SAP130: variants seen among roughly 807,000 people sequenced by gnomAD.
SAP130 encodes Sin3A associated protein 130.
In SAP130, 16 loss-of-function variants were observed where a neutral mutation model predicts 103.2. That is an observed-to-expected ratio of 0.16 (90% CI 0.10 to 0.24). The LOEUF (loss-of-function observed/expected upper bound fraction) is 0.24, where lower values mean the gene tolerates loss of function less well. SAP130 is among the 10% of genes least tolerant of loss of function. The pLI is 1.00. For missense variants in SAP130, 990 were observed against 1,359.7 expected (o/e 0.73, Z 4.28); for synonymous variants, 477 against 497.0 (o/e 0.96, Z 0.53).
At chr2:127,979,503 TA>T (rs1435818782) in intron 14 of SAP130, among the ~76,000 whole-genome samples, 17 of 25,114 alleles carry the variant, frequency 6.8e-4, no homozygotes, top group African/African-American at 1.4e-3. Flanking sequence ...AAAAAAAAGA[TA>T]GAGGAAACCT....
intron 12 of SAP130, among the ~76,000 whole-genome samples, chr2:127,992,848 T>G (rs1356489107): frequency 1.3e-5 from 2 of 152,222 alleles, no homozygotes; most frequent in African/African-American, 4.8e-5. Flanking sequence ...CCTTTATAAA[T>G]TTTTTAAAAA....
chr2:128,003,045 TGA>T (rs1323311243), intron 7 of SAP130, among the ~76,000 whole-genome samples: 3 of 151,578 alleles, frequency 2.0e-5, no homozygotes, highest in African/African-American at 7.3e-5. Context: ...GAGGATCGCT[TGA>T]GAGCCCAGGA....
intron 15 of SAP130, among the ~76,000 whole-genome samples, chr2:127,957,729 T>A (rs1402979346): frequency 6.6e-6 from 1 of 151,954 alleles, no homozygotes; most frequent in Admixed American, 6.6e-5. Context: ...ATATGTTTGA[T>A]TACTATTATT....
intron 11 of SAP130, among the ~76,000 whole-genome samples, chr2:127,995,955 T>C (rs144952126): frequency 6.6e-5 from 10 of 152,264 alleles, no homozygotes; most frequent in African/African-American, 2.4e-4. Flanking sequence ...TCTTTAAAAA[T>C]ATCCATGAGT....
At chr2:128,009,145 A>G (rs1014911381) in intron 7 of SAP130, among the ~76,000 whole-genome samples, 2 of 152,058 alleles carry the variant, frequency 1.3e-5, no homozygotes. Flanking sequence ...TGCCCCAGTG[A>G]TTCCTCAGAA....
rs1679809557 is a variant in SAP130 at position 127,955,953 on chromosome 2, AC to A, written c.2064-610del. Among the ~76,000 whole-genome samples, 1 of 152,226 alleles carries A rather than the reference AC, an allele frequency of 6.6e-6. No individual in the cohort carries two copies. Among genetic ancestry groups the A allele is most frequent in the Non-Finnish European group, 1.5e-5 (1 of 68,036 alleles). On this transcript the variant is annotated intron_variant, in intron 15 of 20. Transcript: ENST00000643581. This position sits in a 1 kb window ranked among gnomAD's most constrained non-coding sequence, Gnocchi z 4.9. ...CTCAAAGTCATATCGTCATAGCACA[AC>A]CAATTTTCATAATATTAATGTATCT...
At chr2:127,971,628 T>G (rs1681101694) in intron 15 of SAP130, among the ~76,000 whole-genome samples, 1 of 152,194 alleles carries the variant, frequency 6.6e-6, no homozygotes. Context: ...AATACTCTCT[T>G]GTGCAGTTTT....
In SAP130 at chr2:127,994,945, G is replaced by C. The variant is rs547934527; in HGVS notation, c.1355+1405C>G. 1.9e-4 allele frequency among the ~76,000 whole-genome samples: 29 copies of C among 152,262 alleles called. No individual in the cohort carries two copies. The South Asian group carries it at 4.1e-3, about 22-fold the overall frequency. On this transcript the variant is annotated intron_variant, in intron 11 of 20. Coordinates refer to ENST00000643581, the MANE Select transcript of SAP130 (RefSeq NM_001330301.2). ...GAGCTAACAGGAGTATTCAACAAGG[G>C]GGATGGACATATCAATGTATCAAAA...
intron 14 of SAP130, among the ~76,000 whole-genome samples, chr2:127,980,396 T>A (rs1274335287): frequency 6.6e-6 from 1 of 151,976 alleles, no homozygotes; most frequent in Non-Finnish European, 1.5e-5. Context: ...CAAGTGTTGG[T>A]GAGGATGAAA....
Position 127,989,044 on chromosome 2 carries a change from A to AAG in SAP130, c.1780+518_1780+519dup, listed in dbSNP as rs1275203571. Among the ~76,000 whole-genome samples the AAG allele has an allele frequency of 6.6e-6, 1 of 152,168 alleles. No homozygotes were observed. The highest frequency in any genetic ancestry group is 1.5e-5 in the Non-Finnish European group (1 of 68,028). ...TTCCCACAACTAGGAGCTTTTAAAA[A>AAG]AGATAACACTTCTCATTATGTTCAA... On this transcript the variant is annotated intron_variant, in intron 13 of 20. Coordinates refer to ENST00000643581, the MANE Select transcript of SAP130 (RefSeq NM_001330301.2). This position sits in a 1 kb window ranked among gnomAD's most constrained non-coding sequence, Gnocchi z 4.6.
intron 4 of SAP130, 41 bp downstream of exon 4, chr2:128,016,348 C>T (rs774559141): frequency 1.3e-6 from 2 of 1,589,228 alleles, no homozygotes; most frequent in South Asian, 1.1e-5. Context: ...AACAGTTTGG[C>T]ATTTCAGTTT....
intron 16 of SAP130, among the ~76,000 whole-genome samples, chr2:127,954,595 T>C (rs190889628): frequency 9.6e-4 from 146 of 152,334 alleles, no homozygotes; most frequent in African/African-American, 3.2e-3. Flanking sequence ...TCTTACTTGA[T>C]TGTATAACAA....
At chr2:127,960,959 T>C (rs1271008111) in intron 15 of SAP130, among the ~76,000 whole-genome samples, 1 of 151,962 alleles carries the variant, frequency 6.6e-6, no homozygotes, top group African/African-American at 2.4e-5. Context: ...GAATGAGACA[T>C]AAGCAAATAC....
chr2:128,020,019 T>C lies in SAP130; in HGVS notation c.113-2104A>G, dbSNP rs537207206. Reference sequence around the variant, plus strand: ...TCTGAGCATAAAGATAATATTTACTTATGTAGAGAATTTAAATTATTTGGA... The same window carrying C: ...TCTGAGCATAAAGATAATATTTACTCATGTAGAGAATTTAAATTATTTGGA... On this transcript the variant is annotated intron_variant, in intron 2 of 20. Transcript: ENST00000643581. Among the ~76,000 whole-genome samples the C allele has an allele frequency of 5.3e-5, 8 of 152,316 alleles. No individual in the cohort carries two copies. In the South Asian group the frequency reaches 1.2e-3, roughly 24 times the overall value.
intron 15 of SAP130, among the ~76,000 whole-genome samples, chr2:127,960,938 A>G (rs1680196955): frequency 6.6e-6 from 1 of 152,078 alleles, no homozygotes; most frequent in African/African-American, 2.4e-5. Context: ...GTATGACCTT[A>G]TAATACTTAT....
At chr2:128,015,054 C>T in intron 4 of SAP130, 140 bp from the exon 5 acceptor site, 1 of 637,738 alleles carries the variant, frequency 1.6e-6, no homozygotes, top group Non-Finnish European at 2.8e-6. Context: ...GGACATTCAG[C>T]TTGAGCTACT....
At position 128,027,396 on chromosome 2, in the gene SAP130, G is replaced by A. The variant is rs1685596268; in HGVS notation, c.-7+544C>T. On this transcript the variant is annotated intron_variant, in intron 1 of 20. Coordinates refer to ENST00000643581, the MANE Select transcript of SAP130 (RefSeq NM_001330301.2). ...ATCCACAGCGACCTGCACGTTCAGA[G>A]CCCGCCCCACCCTCCCGCCGACTGC... The A allele has an allele frequency of 3.5e-6, 4 of 1,137,554 alleles. No individual in the cohort carries two copies. In the Admixed American group the frequency reaches 1.9e-4, roughly 55 times the overall value. 70.5% of individuals were successfully genotyped at this position (1,137,554 alleles called of 1,614,324 possible).
intron 14 of SAP130, among the ~76,000 whole-genome samples, chr2:127,983,323 C>G (rs114613531): frequency 6.6e-6 from 1 of 152,156 alleles, no homozygotes; most frequent in Non-Finnish European, 1.5e-5. Flanking sequence ...GATCCAGTTA[C>G]TGAGAAACTT....
At chr2:127,950,762 T>C (rs543624649) in intron 16 of SAP130, among the ~76,000 whole-genome samples, 1 of 152,320 alleles carries the variant, frequency 6.6e-6, no homozygotes, top group East Asian at 1.9e-4. Flanking sequence ...AGAGAGCAGG[T>C]GTGATCTCCT....
Sources: allele counts gnomAD v4.1 joint callset (sites outside exome capture counted in the v4.1 genomes callset), GRCh38; gene constraint gnomAD v4.1.1; non-coding constraint Gnocchi (gnomAD v3.1); transcripts MANE v1.5; gene names NCBI Gene and HGNC (gene_info 2026-07-23, HGNC 2026-07-21).